MTSS1: variants seen among roughly 807,000 people sequenced by gnomAD.
MTSS1 encodes the protein protein MTSS 1.
In MTSS1, 18 loss-of-function variants were observed where a neutral mutation model predicts 79.0. That is an observed-to-expected ratio of 0.23 (90% CI 0.16 to 0.34). The LOEUF (loss-of-function observed/expected upper bound fraction) is 0.34, where lower values mean the gene tolerates loss of function less well. MTSS1 is among the 10% of genes least tolerant of loss of function. MTSS1 has a pLI of 1.00. For missense variants in MTSS1, 815 were observed against 986.2 expected, an observed-to-expected ratio of 0.83 and a Z score of 2.33; for synonymous variants, 341 against 368.6, an observed-to-expected ratio of 0.93 and a Z score of 0.86.
At chr8:124,688,824 T>C (rs1385683871) in intron 3 of MTSS1, among the ~76,000 whole-genome samples, 2 of 152,072 alleles carry the variant, frequency 1.3e-5, no homozygotes, top group Non-Finnish European at 2.9e-5. Context: ...AACCCAACGC[T>C]AGAATCCCCA....
intron 5 of MTSS1, among the ~76,000 whole-genome samples, chr8:124,589,299 G>A (rs1219191088): frequency 2.0e-5 from 3 of 152,162 alleles, no homozygotes; most frequent in South Asian, 2.1e-4. Flanking sequence ...CCAAAGTGCC[G>A]GGATTACAGG....
At chr8:124,645,853 G>A (rs897916514) in intron 3 of MTSS1, among the ~76,000 whole-genome samples, 2 of 152,132 alleles carry the variant, frequency 1.3e-5, no homozygotes, top group African/African-American at 4.8e-5. Flanking sequence ...GGCTTAAGTG[G>A]TGACAGCAAC....
Position 124,705,578 on chromosome 8 carries a change from T to TA in MTSS1, c.73-1388dup, listed in dbSNP as rs1216894964. Among the ~76,000 whole-genome samples the TA allele has an allele frequency of 8.5e-5, 13 of 152,264 alleles. No individual in the cohort carries two copies. In the South Asian group the frequency reaches 1.7e-3, roughly 19 times the overall value. On this transcript the variant is annotated intron_variant, in intron 1 of 13. Coordinates refer to ENST00000518547, the MANE Select transcript of MTSS1 (RefSeq NM_014751.6). ...GTAAATGTTATGAACCCTGACAAGG[T>TA]AAAAACAACATATGCTACCTCTTGA... is the stretch of plus-strand genomic sequence containing the variant.
intron 1 of MTSS1, among the ~76,000 whole-genome samples, chr8:124,712,487 C>A (rs977678595): frequency 1.3e-5 from 2 of 152,108 alleles, no homozygotes; most frequent in African/African-American, 2.4e-5. Context: ...CAGAAGTGGG[C>A]GTGTGGGATG....
At chr8:124,667,821 T>C (rs1409214252) in intron 3 of MTSS1, among the ~76,000 whole-genome samples, 1 of 151,920 alleles carries the variant, frequency 6.6e-6, no homozygotes, top group African/African-American at 2.4e-5. Context: ...CTCACACCTA[T>C]AATCCCAACA....
chr8:124,596,728 A>G (rs1359044943), intron 3 of MTSS1, among the ~76,000 whole-genome samples: 1 of 152,194 alleles, frequency 6.6e-6, no homozygotes, highest in Non-Finnish European at 1.5e-5. Context: ...TAAAACCTAC[A>G]GGGAGAGTCC....
intron 3 of MTSS1, among the ~76,000 whole-genome samples, chr8:124,632,658 G>A (rs1291647384): frequency 6.6e-6 from 1 of 151,872 alleles, no homozygotes; most frequent in East Asian, 1.9e-4. Flanking sequence ...TCAGAATTAG[G>A]TTTTGTTTGT....
intron 3 of MTSS1, among the ~76,000 whole-genome samples, chr8:124,645,623 T>C (rs1818872241): frequency 6.6e-6 from 1 of 152,100 alleles, no homozygotes; most frequent in African/African-American, 2.4e-5. Context: ...CTTTTCTCTT[T>C]TTTCTGTTCT....
intron 10 of MTSS1, among the ~76,000 whole-genome samples, chr8:124,562,132 C>T (rs542611178): frequency 6.6e-6 from 1 of 152,302 alleles, no homozygotes; most frequent in South Asian, 2.1e-4. Context: ...ATTGATGATG[C>T]ACATGAAGAG....
At chr8:124,560,659 CG>C (rs1431580173) in intron 10 of MTSS1, among the ~76,000 whole-genome samples, 5 of 151,986 alleles carry the variant, frequency 3.3e-5, no homozygotes, top group Non-Finnish European at 5.9e-5. Flanking sequence ...TCAAAAAAAA[CG>C]AACAAAAATA....
At chr8:124,561,763 G>A (rs1322596403) in intron 10 of MTSS1, among the ~76,000 whole-genome samples, 1 of 152,062 alleles carries the variant, frequency 6.6e-6, no homozygotes, top group East Asian at 1.9e-4. Context: ...AGCACATATG[G>A]TTTAGTGAAG....
intron 6 of MTSS1, among the ~76,000 whole-genome samples, chr8:124,577,254 T>C (rs1234503288): frequency 6.6e-6 from 1 of 152,144 alleles, no homozygotes; most frequent in Non-Finnish European, 1.5e-5. Flanking sequence ...TTGCAGTAAA[T>C]TTCTTTTATT....
Position 124,564,732 on chromosome 8 carries a change from T to TA in MTSS1, c.824+929dup, listed in dbSNP as rs1826039795. On this transcript the variant is annotated intron_variant, in intron 9 of 13. Coordinates refer to ENST00000518547, the MANE Select transcript of MTSS1 (RefSeq NM_014751.6). The stretch of plus-strand genomic sequence containing the variant: ...ACACACACACACAGTCGACAGAAGA[T>TA]AAGAAACAAACCAATATCTTCAGGG... The TA allele has an allele frequency of 8.3e-5, 5 of 59,916 alleles. No individual in the cohort carries two copies. In the South Asian group the frequency reaches 2.8e-3, roughly 34 times the overall value. The allele number at this position is 59,916 out of a possible 1,614,324, so 3.7% of individuals were successfully genotyped here.
chr8:124,643,450 C>T (rs1563921105), intron 3 of MTSS1, among the ~76,000 whole-genome samples: 2 of 152,090 alleles, frequency 1.3e-5, no homozygotes, highest in Non-Finnish European at 2.9e-5. Context: ...GTAATCCCAG[C>T]ACTTTGGGAG....
chr8:124,576,950 C>T (rs1305621774), intron 6 of MTSS1, among the ~76,000 whole-genome samples: 1 of 152,214 alleles, frequency 6.6e-6, no homozygotes, highest in African/African-American at 2.4e-5. Context: ...ATACCTCTAC[C>T]CTGCCCCTGA....
chr8:124,685,806 CAGA>C (rs1260868484), intron 3 of MTSS1, among the ~76,000 whole-genome samples: 1 of 152,038 alleles, frequency 6.6e-6, no homozygotes, highest in Non-Finnish European at 1.5e-5. Flanking sequence ...TTTAAAATGC[CAGA>C]AGAAGACATT....
rs1823003352 is a variant in MTSS1 at position 124,553,823 on chromosome 8, C to T, written c.1568-131G>A. ...CTCATCCCAAGCTTCCCCCAGGCTTCTCTACCATCTTCAGAAAGCCTCACC... is the reference window on the plus strand; with the variant it reads ...CTCATCCCAAGCTTCCCCCAGGCTTTTCTACCATCTTCAGAAAGCCTCACC... On this transcript the variant is annotated intron_variant, in intron 13 of 13. Coordinates refer to ENST00000518547, the MANE Select transcript of MTSS1 (RefSeq NM_014751.6). This position sits in a 1 kb window ranked among gnomAD's most constrained non-coding sequence, Gnocchi z 6.0. 2 of 780,484 alleles carry T rather than the reference C, an allele frequency of 2.6e-6. No homozygotes were observed. The highest frequency in any genetic ancestry group is 3.8e-5 in the South Asian group (2 of 52,464). 48.3% of individuals were successfully genotyped at this position (780,484 alleles called of 1,614,324 possible).
rs377023038 is a variant in MTSS1, at chr8:124,568,390, G to A, written c.607C>T (p.Arg203Trp). 1.1e-5 allele frequency: 17 copies of A among 1,612,574 alleles called. No individual in the cohort carries two copies. Among genetic ancestry groups the A allele is most frequent in the African/African-American group, 6.7e-5 (5 of 74,830 alleles). ...GRFCTFISML[R>W]PVIEEEISML... ...TTCCATTAACTTACAATCACTGGCC[G>A]CAGCATAGAGATGAAGGTACAGAAT... Residue 203 changes from arginine (R) to tryptophan (W), a missense_variant, in exon 7 of 14, where the codon CGG becomes TGG. Arg to Trp is a moderately radical substitution (Grantham distance 101, BLOSUM62 -3). Transcript: ENST00000518547.
intron 3 of MTSS1, among the ~76,000 whole-genome samples, chr8:124,637,434 T>C (rs1817217370): frequency 6.6e-6 from 1 of 152,106 alleles, no homozygotes. Context: ...GGGTGGGGGC[T>C]GAGACCCCAG....
Sources: allele counts gnomAD v4.1 joint callset (sites outside exome capture counted in the v4.1 genomes callset), GRCh38; gene constraint gnomAD v4.1.1; non-coding constraint Gnocchi (gnomAD v3.1); transcripts MANE v1.5; gene names NCBI Gene and HGNC (gene_info 2026-07-23, HGNC 2026-07-21).